RBFOX1: variants seen among roughly 807,000 people sequenced by gnomAD.
RBFOX1 encodes the protein RNA binding protein fox-1 homolog 1.
In RBFOX1, 8 loss-of-function variants were observed where a neutral mutation model predicts 57.7. That is an observed-to-expected ratio of 0.14 (90% CI 0.08 to 0.25). RBFOX1 has a LOEUF of 0.25. Among genes scored for constraint, RBFOX1 ranks in the 10% least tolerant of loss-of-function variants. The pLI, the probability that RBFOX1 is intolerant of heterozygous loss-of-function variation, is 1.00. For synonymous variants in RBFOX1, 326 were observed against 222.4 expected (o/e 1.47, Z -4.15); for missense variants, 611 against 548.5 (o/e 1.11, Z -1.14).
intron 4 of RBFOX1, among the ~76,000 whole-genome samples, chr16:5,885,915 T>C (rs1489885743): frequency 6.6e-6 from 1 of 152,178 alleles, no homozygotes; most frequent in South Asian, 2.1e-4. Context: ...TAATCCTCGA[T>C]GCTGGAGGAG....
intron 3 of RBFOX1, among the ~76,000 whole-genome samples, chr16:5,758,375 C>T (rs1193796251): frequency 6.6e-6 from 1 of 152,144 alleles, no homozygotes; most frequent in African/African-American, 2.4e-5. Flanking sequence ...GCTCTTGTAA[C>T]TGCGAGCTTG....
intron 1 of RBFOX1, among the ~76,000 whole-genome samples, chr16:5,422,220 G>GGAGGGA (rs377136964): frequency 0.032 from 4,785 of 150,024 alleles, 111 homozygotes; most frequent in Middle Eastern, 0.067. Context: ...GGAGGAGAGA[G>GGAGGGA]GAGGGAGAGG....
At chr16:7,256,239 G>A (rs767290628) in intron 4 of RBFOX1, among the ~76,000 whole-genome samples, 8 of 152,182 alleles carry the variant, frequency 5.3e-5, no homozygotes, top group Non-Finnish European at 1.0e-4. Flanking sequence ...TTCCAGCTCT[G>A]TAACCCCTGC....
At chr16:6,799,111 C>A (rs984005998) in intron 3 of RBFOX1, among the ~76,000 whole-genome samples, 5 of 151,974 alleles carry the variant, frequency 3.3e-5, no homozygotes, top group African/African-American at 9.7e-5. Flanking sequence ...CTAGCTGATG[C>A]AGGTGAATCC....
At chr16:5,921,703 C>T (rs979480934) in intron 4 of RBFOX1, among the ~76,000 whole-genome samples, 1 of 152,124 alleles carries the variant, frequency 6.6e-6, no homozygotes, top group African/African-American at 2.4e-5. Flanking sequence ...AATGGTTCTG[C>T]AGGCTGTACA....
chr16:5,485,434 G>T (rs1239759229), intron 2 of RBFOX1, among the ~76,000 whole-genome samples: 1 of 132,900 alleles, frequency 7.5e-6, no homozygotes, highest in Non-Finnish European at 1.7e-5. Flanking sequence ...CAAGAGGTGA[G>T]ATCATCAGTA....
intron 3 of RBFOX1, among the ~76,000 whole-genome samples, chr16:6,976,786 TATATATATG>T (rs1598897477): frequency 2.9e-5 from 1 of 34,870 alleles, no homozygotes; most frequent in East Asian, 5.6e-4. Flanking sequence ...ATCAATATAT[TATATATATG>T]ATATATGAGA....
chr16:5,695,675 G>C (rs2050823939), intron 3 of RBFOX1, among the ~76,000 whole-genome samples: 4 of 152,142 alleles, frequency 2.6e-5, no homozygotes, highest in Admixed American at 2.6e-4. Context: ...AAAAGAAATT[G>C]CACCTTTGCA....
At chr16:6,889,819 G>A (rs2064997599) in intron 3 of RBFOX1, among the ~76,000 whole-genome samples, 1 of 152,164 alleles carries the variant, frequency 6.6e-6, no homozygotes, top group Non-Finnish European at 1.5e-5. Flanking sequence ...GTTTCTTTTA[G>A]GTGGTTCACA....
chr16:6,164,861 A>G (rs1229902304), intron 1 of RBFOX1, among the ~76,000 whole-genome samples: 2 of 152,162 alleles, frequency 1.3e-5, no homozygotes, highest in African/African-American at 4.8e-5. Context: ...CTTCTGCATA[A>G]TGCTAAATAC....
In RBFOX1 at chr16:6,394,371, C is replaced by G. The variant is rs572680295; in HGVS notation, c.-64+77314C>G. Among the ~76,000 whole-genome samples the G allele has an allele frequency of 3.3e-5, 5 of 152,218 alleles. No individual in the cohort carries two copies. The South Asian group carries it at 1.0e-3, about 32-fold the overall frequency. ...ATTATTTTGTTTTTAAAGGAATAAT[C>G]GATGCATGTGAATAAAAGAGAACTA... is the stretch of plus-strand genomic sequence containing the variant. On this transcript the variant is annotated intron_variant, in intron 2 of 15. Transcript: ENST00000550418.
At position 6,844,530 on chromosome 16, in the gene RBFOX1, T is replaced by C. The variant is rs570442002; in HGVS notation, c.-16+189880T>C. Among the ~76,000 whole-genome samples, 3 of 152,342 alleles carry C rather than the reference T, an allele frequency of 2.0e-5. No individual in the cohort carries two copies. The South Asian group carries it at 6.2e-4, about 32-fold the overall frequency. On this transcript the variant is annotated intron_variant, in intron 3 of 15. Coordinates refer to ENST00000550418, the MANE Select transcript of RBFOX1 (RefSeq NM_018723.4). ...ATATGACCTTATTCTTTTTTATGGCTGCATAGTATTCCATGGTGTATATGT... is the reference window on the plus strand; with the variant it reads ...ATATGACCTTATTCTTTTTTATGGCCGCATAGTATTCCATGGTGTATATGT...
intron 1 of RBFOX1, among the ~76,000 whole-genome samples, chr16:6,254,104 G>A (rs1014309093): frequency 2.0e-5 from 3 of 152,072 alleles, no homozygotes; most frequent in Non-Finnish European, 2.9e-5. Context: ...AGAATTTTAG[G>A]TTGCCTTCCT....
At chr16:7,177,312 C>T (rs977497114) in intron 4 of RBFOX1, among the ~76,000 whole-genome samples, 2 of 152,028 alleles carry the variant, frequency 1.3e-5, no homozygotes, top group African/African-American at 2.4e-5. Flanking sequence ...AACAAAAAGC[C>T]CTGAAGGCCT....
intron 12 of RBFOX1, among the ~76,000 whole-genome samples, chr16:7,657,408 G>C (rs2066582143): frequency 6.6e-6 from 1 of 152,292 alleles, no homozygotes; most frequent in African/African-American, 2.4e-5. Flanking sequence ...GGGTTCAAGT[G>C]ATTCTCCCAC....
intron 5 of RBFOX1, among the ~76,000 whole-genome samples, chr16:7,542,940 A>G (rs1305920015): frequency 6.6e-6 from 1 of 152,102 alleles, no homozygotes; most frequent in Non-Finnish European, 1.5e-5. Context: ...ACATACAAAC[A>G]AGAAAGGCAA....
At chr16:7,496,840 C>A (rs1467815413) in intron 4 of RBFOX1, among the ~76,000 whole-genome samples, 1 of 150,346 alleles carries the variant, frequency 6.7e-6, no homozygotes, top group African/African-American at 2.4e-5. Context: ...TATTTAAATA[C>A]AAGTTTAAAA....
chr16:5,404,722 A>G (rs2066815109), intron 1 of RBFOX1, among the ~76,000 whole-genome samples: 1 of 152,196 alleles, frequency 6.6e-6, no homozygotes, highest in South Asian at 2.1e-4. Flanking sequence ...TTTGTGGTGC[A>G]TGCTGTCTGG....
intron 1 of RBFOX1, among the ~76,000 whole-genome samples, chr16:5,321,596 C>T (rs978402462): frequency 5.9e-5 from 9 of 152,080 alleles, no homozygotes; most frequent in Non-Finnish European, 4.4e-5. Flanking sequence ...GGATTACAGG[C>T]GTGAGCCACA....
Sources: allele counts gnomAD v4.1 joint callset (sites outside exome capture counted in the v4.1 genomes callset), GRCh38; gene constraint gnomAD v4.1.1; transcripts MANE v1.5; gene names NCBI Gene and HGNC (gene_info 2026-07-23, HGNC 2026-07-21).